ACAP2: variants seen among roughly 807,000 people sequenced by gnomAD.
The protein encoded by ACAP2 is arf-GAP with coiled-coil, ANK repeat and PH domain-containing protein 2.
A neutral mutation model predicts 115.8 loss-of-function variants in ACAP2; 39 were observed. The observed-to-expected ratio is 0.34, with a 90% CI of 0.26 to 0.44. ACAP2 has a LOEUF of 0.44. Ranked by LOEUF, ACAP2 falls within the 20% of genes least tolerant of loss-of-function variation. ACAP2 has a pLI of 1.00. For synonymous variants in ACAP2, 289 were observed against 315.8 expected (o/e 0.92, Z 0.90); for missense variants, 662 against 927.6 (o/e 0.71, Z 3.72).
chr3:195,327,662 T>G (rs530523271), intron 8 of ACAP2, among the ~76,000 whole-genome samples: 1 of 152,280 alleles, frequency 6.6e-6, no homozygotes, highest in South Asian at 2.1e-4. Flanking sequence ...CCGGGCGCAG[T>G]GGCTCACACC....
At chr3:195,298,193 G>T (rs1216517292) in intron 15 of ACAP2, among the ~76,000 whole-genome samples, 1 of 151,902 alleles carries the variant, frequency 6.6e-6, no homozygotes, top group African/African-American at 2.4e-5. Context: ...CCCAACAACA[G>T]GAGTGAAGTC....
At position 195,288,468 on chromosome 3, in the gene ACAP2, T is replaced by G. The variant is rs559790227; in HGVS notation, c.2174+653A>C. ...CTGTTAGCACTGTGTGCAAGTACAG[T>G]TGGCCGCTGTCCTTCTCTGTGGGTT... On this transcript the variant is annotated intron_variant, in intron 21 of 22. Coordinates refer to ENST00000326793, the MANE Select transcript of ACAP2 (RefSeq NM_012287.6). Among the ~76,000 whole-genome samples the G allele has an allele frequency of 5.1e-3, 782 of 152,262 alleles. 2 individuals are homozygous for G. Among genetic ancestry groups the G allele is most frequent in the Middle Eastern group, 0.01 (3 of 294 alleles).
At chr3:195,313,261 G>T (rs1728876212) in intron 10 of ACAP2, among the ~76,000 whole-genome samples, 1 of 152,154 alleles carries the variant, frequency 6.6e-6, no homozygotes, top group East Asian at 1.9e-4. Flanking sequence ...GTTCTGGTAG[G>T]ATTTAGCATA....
intron 1 of ACAP2, among the ~76,000 whole-genome samples, chr3:195,422,543 C>T (rs751491497): frequency 2.4e-4 from 36 of 152,028 alleles, no homozygotes; most frequent in African/African-American, 4.1e-4. Context: ...GTGCAGTGTG[C>T]GTCGATCATA....
intron 10 of ACAP2, among the ~76,000 whole-genome samples, chr3:195,309,466 A>T (rs956061052): frequency 5.3e-5 from 8 of 152,044 alleles, no homozygotes; most frequent in African/African-American, 1.9e-4. Flanking sequence ...GAACCACTTG[A>T]ACCCGGGAGG....
At chr3:195,341,413 C>T (rs1393113053) in intron 6 of ACAP2, among the ~76,000 whole-genome samples, 2 of 151,126 alleles carry the variant, frequency 1.3e-5, no homozygotes, top group African/African-American at 4.9e-5. Context: ...CAAGCTCCGC[C>T]TCCTGGGTTC....
rs1467476511 is a variant in ACAP2, at chr3:195,364,321, C to T, written c.285+16688G>A. Among the ~76,000 whole-genome samples, 3 of 152,030 alleles carry T rather than the reference C, an allele frequency of 2.0e-5. No homozygotes were observed. The South Asian group carries it at 6.2e-4, about 32-fold the overall frequency. ...TTCTCAAAAAAGACATACAAATGGC[C>T]AACAGGCATATGAAAAGGCACCCAA... is the stretch of plus-strand genomic sequence containing the variant. On this transcript the variant is annotated intron_variant, in intron 4 of 22. Coordinates refer to ENST00000326793, the MANE Select transcript of ACAP2 (RefSeq NM_012287.6).
chr3:195,340,690 C>T (rs528913132), intron 6 of ACAP2, among the ~76,000 whole-genome samples: 2 of 152,214 alleles, frequency 1.3e-5, no homozygotes, highest in Admixed American at 6.5e-5. Flanking sequence ...ACAGAATAGT[C>T]AAGTTGGTTA....
intron 4 of ACAP2, among the ~76,000 whole-genome samples, chr3:195,360,448 T>C (rs1461382168): frequency 6.6e-6 from 1 of 152,210 alleles, no homozygotes; most frequent in Non-Finnish European, 1.5e-5. Flanking sequence ...AACCCCACTT[T>C]CAGCACTGGA....
At chr3:195,427,117 G>A (rs138804958) in intron 1 of ACAP2, among the ~76,000 whole-genome samples, 1 of 152,298 alleles carries the variant, frequency 6.6e-6, no homozygotes, top group East Asian at 1.9e-4. Flanking sequence ...AGAAGAGGGA[G>A]TATCACAACC....
chr3:195,287,135 G>C (rs1053121230), intron 21 of ACAP2, among the ~76,000 whole-genome samples: 3 of 152,252 alleles, frequency 2.0e-5, no homozygotes, highest in South Asian at 2.1e-4. Context: ...CAATGAGGGG[G>C]GATAAGCAAT....
intron 4 of ACAP2, among the ~76,000 whole-genome samples, chr3:195,351,438 TTTCG>T: frequency 1.7e-5 from 2 of 115,514 alleles, no homozygotes; most frequent in African/African-American, 7.4e-5. Flanking sequence ...ATTTTTTCTT[TTTCG>T]TGTGTGTGTG....
At chr3:195,362,716 A>G (rs1454931734) in intron 4 of ACAP2, among the ~76,000 whole-genome samples, 1 of 152,248 alleles carries the variant, frequency 6.6e-6, no homozygotes, top group Non-Finnish European at 1.5e-5. Flanking sequence ...GACAAAAACC[A>G]TATGATGACT....
At chr3:195,372,987 C>CAAAAAAAAAAAAAAAAAAAAAAAAAAA (rs869134113) in intron 4 of ACAP2, among the ~76,000 whole-genome samples, 3 of 17,776 alleles carry the variant, frequency 1.7e-4, no homozygotes, top group Admixed American at 5.1e-4. Flanking sequence ...GACTCCATCT[C>CAAAAAAAAAAAAAAAAAAAAAAAAAAA]AAAAAAAAAA....
intron 22 of ACAP2, 111 bp from the exon 23 acceptor site, chr3:195,279,539 C>A: frequency 8.5e-6 from 5 of 588,864 alleles, no homozygotes; most frequent in Admixed American, 4.2e-5. Flanking sequence ...AAATTTTGTT[C>A]AGATGAGCAT....
In ACAP2 at chr3:195,424,261, G is replaced by GTATATATA. The variant is rs1277754660; in HGVS notation, c.53+18526_53+18533dup. On this transcript the variant is annotated intron_variant, in intron 1 of 22. Coordinates refer to ENST00000326793, the MANE Select transcript of ACAP2 (RefSeq NM_012287.6). ...GTGTGTGTGGTGTGTGTGTGTGTGT[G>GTATATATA]TATATATATATATATATATATATTT... Among the ~76,000 whole-genome samples the GTATATATA allele has an allele frequency of 4.8e-3, 260 of 54,616 alleles. 2 individuals are homozygous for GTATATATA. The highest frequency in any genetic ancestry group is 0.016 in the Middle Eastern group (1 of 62). The allele number at this position is 54,616 out of a possible 152,430, so 35.8% of individuals were successfully genotyped here.
intron 8 of ACAP2, among the ~76,000 whole-genome samples, chr3:195,332,219 T>C (rs1046189891): frequency 1.4e-4 from 22 of 151,962 alleles, no homozygotes; most frequent in Admixed American, 1.2e-3. Flanking sequence ...CCAAGAGCTC[T>C]ATAATTTTAA....
intron 1 of ACAP2, among the ~76,000 whole-genome samples, chr3:195,434,078 A>G (rs1274702704): frequency 6.6e-6 from 1 of 151,974 alleles, no homozygotes; most frequent in African/African-American, 2.4e-5. Context: ...ATAGGCATGT[A>G]CCACCACACA....
intron 1 of ACAP2, among the ~76,000 whole-genome samples, chr3:195,412,420 TA>T (rs929077891): frequency 8.4e-4 from 117 of 139,846 alleles, no homozygotes; most frequent in Non-Finnish European, 7.7e-4. Context: ...TCTCTACTAT[TA>T]AAAAAAAAAA....
Sources: allele counts gnomAD v4.1 joint callset (sites outside exome capture counted in the v4.1 genomes callset), GRCh38; gene constraint gnomAD v4.1.1; transcripts MANE v1.5; gene names NCBI Gene and HGNC (gene_info 2026-07-23, HGNC 2026-07-21).